Variants in NRG3 observed in about 807,000 individuals in gnomAD.
The protein encoded by NRG3 is pro-neuregulin-3, membrane-bound isoform.
NRG3 carries 31 observed loss-of-function variants against 66.9 expected under a neutral mutation model. The observed-to-expected ratio is 0.46, with a 90% CI of 0.35 to 0.63. The LOEUF (loss-of-function observed/expected upper bound fraction) is 0.63, where lower values mean the gene tolerates loss of function less well. Among genes scored for constraint, NRG3 ranks in the 20% least tolerant of loss-of-function variants. The probability of loss-of-function intolerance (pLI) is 0.00; values close to 1 mark genes in which losing one functional copy is unlikely to be tolerated. For synonymous variants in NRG3, 393 were observed against 359.4 expected, an observed-to-expected ratio of 1.09 and a Z score of -1.06; for missense variants, 910 against 878.9, an observed-to-expected ratio of 1.04 and a Z score of -0.45.
intron 3 of NRG3, among the ~76,000 whole-genome samples, chr10:82,790,905 A>C (rs1115369): frequency 0.038 from 5,800 of 151,810 alleles, 319 homozygotes; most frequent in African/African-American, 0.13. Flanking sequence ...CATTTCAATG[A>C]CACATTTTAT....
Position 82,656,283 on chromosome 10 carries a change from A to G in NRG3, c.954-82294A>G, listed in dbSNP as rs118128065. On this transcript the variant is annotated intron_variant, in intron 2 of 8. Coordinates refer to ENST00000372141, the MANE Select transcript of NRG3 (RefSeq NM_001010848.4). The stretch of plus-strand genomic sequence containing the variant: ...ATTACAAGAACTTTGGTGATCTCTT[A>G]CTTTTCTTTCTTTCTTTCTTTTTTC... Among the ~76,000 whole-genome samples, 212 of 148,078 alleles carry G rather than the reference A, an allele frequency of 1.4e-3. 6 individuals are homozygous for G. The East Asian group carries it at 0.037, about 26-fold the overall frequency.
intron 1 of NRG3, among the ~76,000 whole-genome samples, chr10:82,354,634 C>T (rs1468221061): frequency 6.6e-6 from 1 of 152,098 alleles, no homozygotes; most frequent in Non-Finnish European, 1.5e-5. Flanking sequence ...TCAGGTGATC[C>T]ACCCATCTTG....
At position 82,099,271 on chromosome 10, in the gene NRG3, A is replaced by T. The variant is rs2066574531; in HGVS notation, c.823+223108A>T. On this transcript the variant is annotated intron_variant, in intron 1 of 8. Transcript: ENST00000372141. ...AAAATTTTGAGTTAATATTTTTATA[A>T]AACATAAAATTTGGTTAGGATTCAC... Among the ~76,000 whole-genome samples the T allele has an allele frequency of 2.6e-5, 4 of 152,324 alleles. No homozygotes were observed. The South Asian group carries it at 8.3e-4, about 32-fold the overall frequency.
intron 1 of NRG3, among the ~76,000 whole-genome samples, chr10:82,223,391 C>A (rs535726077): frequency 1.3e-5 from 2 of 152,018 alleles, no homozygotes; most frequent in South Asian, 4.1e-4. Context: ...TAGTCTGCAC[C>A]CTAGATCTGT....
At chr10:82,929,628 A>G (rs557149404) in intron 4 of NRG3, among the ~76,000 whole-genome samples, 215 of 152,280 alleles carry the variant, frequency 1.4e-3, no homozygotes, top group African/African-American at 5.0e-3. Context: ...TCACCCCTGT[A>G]ATCCCAGCAC....
intron 2 of NRG3, among the ~76,000 whole-genome samples, chr10:82,469,069 A>G (rs1471664882): frequency 2.0e-5 from 3 of 152,210 alleles, no homozygotes; most frequent in Non-Finnish European, 2.9e-5. Flanking sequence ...AGCTCATCAC[A>G]TGCATTCCTA....
At chr10:82,085,483 C>T (rs1248658173) in intron 1 of NRG3, among the ~76,000 whole-genome samples, 3 of 151,980 alleles carry the variant, frequency 2.0e-5, no homozygotes, top group African/African-American at 4.8e-5. Flanking sequence ...TGAGGGCCTT[C>T]GTGTGAGGGC....
intron 3 of NRG3, among the ~76,000 whole-genome samples, chr10:82,853,885 G>T (rs145974876): frequency 2.1e-3 from 312 of 152,180 alleles, no homozygotes; most frequent in African/African-American, 7.2e-3. Flanking sequence ...CAGCTCTCAG[G>T]GGGAATGCTT....
intron 1 of NRG3, among the ~76,000 whole-genome samples, chr10:82,120,853 A>G (rs1465310646): frequency 2.0e-5 from 3 of 152,112 alleles, no homozygotes; most frequent in African/African-American, 7.2e-5. Context: ...TTCTCTGCAT[A>G]CGGGGAGTCT....
intron 2 of NRG3, among the ~76,000 whole-genome samples, chr10:82,448,742 TA>T (rs1231111924): frequency 6.6e-6 from 1 of 152,216 alleles, no homozygotes; most frequent in Non-Finnish European, 1.5e-5. Context: ...TTATTGCACT[TA>T]ATTACTGATT....
intron 1 of NRG3, among the ~76,000 whole-genome samples, chr10:82,164,715 C>T (rs1038214230): frequency 6.6e-6 from 1 of 152,048 alleles, no homozygotes; most frequent in Non-Finnish European, 1.5e-5. Flanking sequence ...AGAAAACAGT[C>T]AAGAAAAATG....
intron 1 of NRG3, among the ~76,000 whole-genome samples, chr10:81,883,000 A>C (rs985481959): frequency 6.6e-6 from 1 of 152,192 alleles, no homozygotes; most frequent in Non-Finnish European, 1.5e-5. Context: ...GAGATTCCTG[A>C]ATGATCTGGA....
chr10:82,845,570 A>G (rs945357245), intron 3 of NRG3, among the ~76,000 whole-genome samples: 5 of 152,170 alleles, frequency 3.3e-5, no homozygotes, highest in Admixed American at 3.3e-4. Context: ...AAATCTTTAT[A>G]GGAGAAAGAC....
At chr10:82,040,263 A>G (rs1432617043) in intron 1 of NRG3, among the ~76,000 whole-genome samples, 1 of 152,052 alleles carries the variant, frequency 6.6e-6, no homozygotes, top group Non-Finnish European at 1.5e-5. Flanking sequence ...AACTTTCAGT[A>G]TTTTTCAAAC....
At chr10:82,412,831 TAACA>T (rs747204131) in intron 2 of NRG3, among the ~76,000 whole-genome samples, 12 of 151,146 alleles carry the variant, frequency 7.9e-5, no homozygotes, top group Non-Finnish European at 1.3e-4. Context: ...AGATTTCATC[TAACA>T]AACAAACAAA....
chr10:82,360,892 A>G (rs2084092758), intron 2 of NRG3, among the ~76,000 whole-genome samples: 1 of 152,018 alleles, frequency 6.6e-6, no homozygotes, highest in Non-Finnish European at 1.5e-5. Context: ...AAGGAGATGT[A>G]TCTTCTCATC....
chr10:82,492,496 T>A (rs1843240699), intron 2 of NRG3, among the ~76,000 whole-genome samples: 1 of 152,158 alleles, frequency 6.6e-6, no homozygotes, highest in Admixed American at 6.5e-5. Flanking sequence ...AAGCTTAAAT[T>A]TCCCCCTAGG....
At chr10:82,678,132 C>T in intron 2 of NRG3, among the ~76,000 whole-genome samples, 1 of 152,160 alleles carries the variant, frequency 6.6e-6, no homozygotes, top group Non-Finnish European at 1.5e-5. Flanking sequence ...TATCAGGAAG[C>T]GGCTGATCAC....
intron 1 of NRG3, among the ~76,000 whole-genome samples, chr10:81,893,691 A>G (rs2132582664): frequency 6.6e-6 from 1 of 152,292 alleles, no homozygotes; most frequent in South Asian, 2.1e-4. Flanking sequence ...GCATTTCTCT[A>G]ATTAGAAATG....
Sources: allele counts gnomAD v4.1 joint callset (sites outside exome capture counted in the v4.1 genomes callset), GRCh38; gene constraint gnomAD v4.1.1; transcripts MANE v1.5; gene names NCBI Gene and HGNC (gene_info 2026-07-23, HGNC 2026-07-21).